SCLT1: variants seen among roughly 807,000 people sequenced by gnomAD.
SCLT1 encodes sodium channel-associated protein 1.
A neutral mutation model predicts 112.8 loss-of-function variants in SCLT1; 78 were observed. The ratio of observed to expected loss-of-function variants is 0.69; its 90% CI spans 0.58 to 0.83. The LOEUF (loss-of-function observed/expected upper bound fraction) is 0.83, where lower values mean the gene tolerates loss of function less well. Ranked by LOEUF, SCLT1 falls within the 40% of genes least tolerant of loss-of-function variation. SCLT1 has a pLI of 0.00. For synonymous variants in SCLT1, 257 were observed against 254.7 expected (o/e 1.01, Z -0.09); for missense variants, 747 against 770.4 (o/e 0.97, Z 0.36).
At position 129,073,004 on chromosome 4, in the gene SCLT1, G is replaced by A. The variant is rs72926056; in HGVS notation, c.102+9302C>T. ...TTGTCCCTTGGGGTGTTCCCTTGAT[G>A]TAACACTCTGCCCCTTTTTCTATGG... On this transcript the variant is annotated intron_variant, in intron 2 of 20. Transcript: ENST00000281142. 4.7e-3 allele frequency among the ~76,000 whole-genome samples: 718 copies of A among 152,226 alleles called. 4 individuals carry two copies. Among genetic ancestry groups the A allele is most frequent in the African/African-American group, 0.016 (658 of 41,546 alleles).
At chr4:129,002,395 TGA>T (rs1743576431) in intron 6 of SCLT1, among the ~76,000 whole-genome samples, 2 of 151,912 alleles carry the variant, frequency 1.3e-5, no homozygotes, top group Admixed American at 1.3e-4. Flanking sequence ...CTAATTACTA[TGA>T]GAGAAAAAGA....
intron 18 of SCLT1, among the ~76,000 whole-genome samples, chr4:128,928,237 A>C (rs1736459390): frequency 6.6e-6 from 1 of 152,168 alleles, no homozygotes; most frequent in Non-Finnish European, 1.5e-5. Context: ...AATATACGAG[A>C]TTACAGAAAA....
intron 1 of SCLT1, 60 bp downstream of exon 1, chr4:129,093,010 C>T: frequency 1.6e-6 from 2 of 1,229,190 alleles, no homozygotes; most frequent in Non-Finnish European, 2.4e-6. Context: ...AAAGATTTGT[C>T]GGTCAACGAC....
chr4:129,071,144 T>C (rs964578779), intron 2 of SCLT1, among the ~76,000 whole-genome samples: 5 of 152,174 alleles, frequency 3.3e-5, no homozygotes, highest in African/African-American at 9.6e-5. Flanking sequence ...GAGAGAGTGC[T>C]TGACATAATT....
intron 5 of SCLT1, among the ~76,000 whole-genome samples, chr4:129,007,893 G>A (rs74631530): frequency 6.6e-6 from 1 of 152,200 alleles, no homozygotes; most frequent in Non-Finnish European, 1.5e-5. Flanking sequence ...GAGCTTGGAA[G>A]TGATAGAATC....
At chr4:128,945,971 A>G (rs1208748611) in intron 16 of SCLT1, 36 bp downstream of exon 16, 1 of 1,461,168 alleles carries the variant, frequency 6.8e-7, no homozygotes, top group Non-Finnish European at 9.4e-7. Context: ...TGAATTCTGA[A>G]GATGTTATCA....
intron 13 of SCLT1, among the ~76,000 whole-genome samples, chr4:128,954,325 T>G: frequency 6.7e-6 from 1 of 150,032 alleles, no homozygotes; most frequent in African/African-American, 2.5e-5. Flanking sequence ...TAGTTTTTTT[T>G]TTTTTTTTTT....
At chr4:128,873,362 G>A (rs1316583700) in intron 5 of SCLT1, 2 of 152,272 alleles carry the variant, frequency 1.3e-5, no homozygotes, top group African/African-American at 4.8e-5. Flanking sequence ...AATAAGTTGC[G>A]ATAAGCTCTT....
chr4:128,998,069 T>C (rs1192349650), intron 7 of SCLT1, 130 bp from the exon 8 acceptor site: 8 of 411,992 alleles, frequency 1.9e-5, no homozygotes, highest in Admixed American at 4.4e-5. Flanking sequence ...TGTTTCTTAT[T>C]ACTATTGTGT....
At chr4:128,943,234 ATAG>A (rs1260111050) in intron 16 of SCLT1, 46 bp from the exon 17 acceptor site, 1 of 1,296,532 alleles carries the variant, frequency 7.7e-7, no homozygotes, top group African/African-American at 1.5e-5. Flanking sequence ...TTAATGATCT[ATAG>A]TAGAAGATAA....
chr4:128,958,500 A>G (rs936770454), intron 12 of SCLT1, among the ~76,000 whole-genome samples: 1 of 152,102 alleles, frequency 6.6e-6, no homozygotes, highest in Non-Finnish European at 1.5e-5. Context: ...TTTGAGTGAG[A>G]AGATTTGGGA....
intron 12 of SCLT1, 98 bp downstream of exon 12, chr4:128,959,502 T>C: frequency 6.2e-6 from 5 of 812,078 alleles, no homozygotes; most frequent in Non-Finnish European, 8.0e-6. Flanking sequence ...TTCATTTTCA[T>C]GCATTTATTC....
chr4:128,916,421 C>T (rs116580335), intron 18 of SCLT1, among the ~76,000 whole-genome samples: 22 of 152,130 alleles, frequency 1.4e-4, no homozygotes, highest in African/African-American at 4.3e-4. Flanking sequence ...TGTAATGAAA[C>T]CAATAAAGGA....
intron 2 of SCLT1, among the ~76,000 whole-genome samples, chr4:129,080,599 G>A (rs1751851242): frequency 6.6e-6 from 1 of 152,138 alleles, no homozygotes; most frequent in African/African-American, 2.4e-5. Context: ...GTATCACTAT[G>A]AGCATTTTGG....
At chr4:129,013,678 T>C (rs1744739759) in intron 5 of SCLT1, among the ~76,000 whole-genome samples, 1 of 152,230 alleles carries the variant, frequency 6.6e-6, no homozygotes, top group Admixed American at 6.5e-5. Context: ...AGGTCTGCTC[T>C]TAGTCTAATG....
intron 12 of SCLT1, among the ~76,000 whole-genome samples, chr4:128,958,535 A>G (rs1281007078): frequency 6.7e-6 from 1 of 150,158 alleles, no homozygotes; most frequent in Non-Finnish European, 1.5e-5. Flanking sequence ...GAGTGTTCCT[A>G]CTATTTTCTC....
chr4:129,075,993 C>G (rs1431859105), intron 2 of SCLT1, among the ~76,000 whole-genome samples: 1 of 152,110 alleles, frequency 6.6e-6, no homozygotes, highest in South Asian at 2.1e-4. Flanking sequence ...TCTGTCCCAG[C>G]TGGAATGTTA....
At chr4:128,948,180 A>G (rs1738348877) in intron 15 of SCLT1, among the ~76,000 whole-genome samples, 3 of 151,680 alleles carry the variant, frequency 2.0e-5, no homozygotes, top group Non-Finnish European at 2.9e-5. Context: ...CTAAAAATAC[A>G]AAAAAAGTAG....
chr4:128,888,845 C>T (rs1031029899), intron 19 of SCLT1, 71 bp from the exon 20 acceptor site: 52 of 858,550 alleles, frequency 6.1e-5, no homozygotes, highest in Admixed American at 8.8e-5. Context: ...GAATAATCAA[C>T]GAAAAATCTG....
Sources: allele counts gnomAD v4.1 joint callset (sites outside exome capture counted in the v4.1 genomes callset), GRCh38; gene constraint gnomAD v4.1.1; transcripts MANE v1.5; gene names NCBI Gene and HGNC (gene_info 2026-07-23, HGNC 2026-07-21).